The following CSMD1 variants were observed in gnomAD, a reference collection of about 807,000 sequenced individuals.
CSMD1 encodes CUB and Sushi multiple domains 1.
CSMD1 carries 213 observed loss-of-function variants against 417.5 expected under a neutral mutation model. The observed-to-expected ratio is 0.51, with a 90% confidence interval of 0.46 to 0.57. The LOEUF (loss-of-function observed/expected upper bound fraction) is 0.57, where lower values mean the gene tolerates loss of function less well. Ranked by LOEUF, CSMD1 falls within the 20% of genes least tolerant of loss-of-function variation. The pLI, the probability that CSMD1 is intolerant of heterozygous loss-of-function variation, is 0.00. For synonymous variants in CSMD1, 2,862 were observed against 1,736.8 expected, an observed-to-expected ratio of 1.65 and a Z score of -16.11; for missense variants, 6,923 against 4,529.7, an observed-to-expected ratio of 1.53 and a Z score of -15.17.
At chr8:3,688,767 C>T (rs559166534) in intron 7 of CSMD1, among the ~76,000 whole-genome samples, 43 of 151,988 alleles carry the variant, frequency 2.8e-4, no homozygotes, top group African/African-American at 5.3e-4. Flanking sequence ...TAGCATAATA[C>T]GGATTCTGAC....
intron 47 of CSMD1, among the ~76,000 whole-genome samples, chr8:3,094,056 G>C (rs1412529993): frequency 6.6e-6 from 1 of 151,866 alleles, no homozygotes; most frequent in Non-Finnish European, 1.5e-5. Flanking sequence ...CATTTTTAAT[G>C]ACAGAACTCA....
At position 3,574,131 on chromosome 8, in the gene CSMD1, A is replaced by G. The variant is rs1563166144; in HGVS notation, c.1344+814T>C. Among the ~76,000 whole-genome samples, 37 of 152,246 alleles carry G rather than the reference A, an allele frequency of 2.4e-4. 1 individual carries two copies. Reference sequence around the variant, plus strand: ...CCTGGAGGAAATATATATTTTACACAAAGTATTTAAGAAAGAGGAAAACAC... The same window carrying G: ...CCTGGAGGAAATATATATTTTACACGAAGTATTTAAGAAAGAGGAAAACAC... On this transcript the variant is annotated intron_variant, in intron 10 of 69. Coordinates refer to ENST00000635120, the MANE Select transcript of CSMD1 (RefSeq NM_033225.6).
intron 5 of CSMD1, among the ~76,000 whole-genome samples, chr8:3,813,865 G>C (rs1801223917): frequency 6.6e-6 from 1 of 152,106 alleles, no homozygotes; most frequent in African/African-American, 2.4e-5. Context: ...TCAGACAAGA[G>C]AAAAAGAAGA....
intron 42 of CSMD1, among the ~76,000 whole-genome samples, chr8:3,115,996 G>C (rs749883435): frequency 1.3e-5 from 2 of 152,136 alleles, no homozygotes; most frequent in African/African-American, 4.8e-5. Flanking sequence ...GAAGATACTG[G>C]GTTGTCAGCA....
chr8:3,520,039 T>TATATATATATATATACACACACACAC (rs545212684), intron 10 of CSMD1, among the ~76,000 whole-genome samples: 1 of 147,110 alleles, frequency 6.8e-6, no homozygotes, highest in African/African-American at 2.6e-5. Context: ...TATATATATA[T>TATATATATATATATACACACACACAC]ACACGTATAG....
intron 4 of CSMD1, among the ~76,000 whole-genome samples, chr8:4,004,490 C>G (rs972539942): frequency 2.0e-5 from 3 of 148,606 alleles, no homozygotes; most frequent in Non-Finnish European, 3.0e-5. Flanking sequence ...TATTATATAT[C>G]TGGATTTTTG....
At chr8:4,946,958 A>G (rs1808411685) in intron 1 of CSMD1, among the ~76,000 whole-genome samples, 1 of 152,190 alleles carries the variant, frequency 6.6e-6, no homozygotes, top group African/African-American at 2.4e-5. Context: ...CTTTCTTCAT[A>G]TATATTATTT....
intron 4 of CSMD1, among the ~76,000 whole-genome samples, chr8:4,002,507 T>C (rs1263960447): frequency 2.0e-5 from 3 of 152,166 alleles, no homozygotes; most frequent in Admixed American, 6.5e-5. Flanking sequence ...TTATAAATAA[T>C]GCCACAGAGG....
At position 3,189,892 on chromosome 8, in the gene CSMD1, C is replaced by T. The variant is rs370174672; in HGVS notation, c.5398+20G>A. On this transcript the variant is annotated intron_variant, in intron 34 of 69. Transcript: ENST00000635120. The stretch of plus-strand genomic sequence containing the variant: ...CCACCACAGAGTTCTGGCGGGCAGC[C>T]GCTTAGGGACACTGCTCACCCACAC... 6 of 1,554,014 alleles carry T rather than the reference C, an allele frequency of 3.9e-6. No homozygotes were observed. Among genetic ancestry groups the T allele is most frequent in the East Asian group, 4.8e-5 (2 of 41,670 alleles).
intron 4 of CSMD1, among the ~76,000 whole-genome samples, chr8:4,005,577 C>G (rs140041168): frequency 6.6e-6 from 1 of 152,106 alleles, no homozygotes; most frequent in African/African-American, 2.4e-5. Flanking sequence ...TGTGTAAGGA[C>G]GTTCCACATG....
intron 10 of CSMD1, among the ~76,000 whole-genome samples, chr8:3,568,183 G>A (rs974875362): frequency 6.6e-6 from 1 of 152,108 alleles, no homozygotes; most frequent in African/African-American, 2.4e-5. Flanking sequence ...ATAAAGTACT[G>A]ATGTTCACTT....
intron 6 of CSMD1, among the ~76,000 whole-genome samples, chr8:3,711,591 C>T (rs964914897): frequency 6.6e-6 from 1 of 152,194 alleles, no homozygotes; most frequent in African/African-American, 2.4e-5. Context: ...TGTGTTTTCT[C>T]ATCCTCATCT....
intron 10 of CSMD1, among the ~76,000 whole-genome samples, chr8:3,554,089 G>A (rs978512301): frequency 6.6e-6 from 1 of 152,166 alleles, no homozygotes; most frequent in Admixed American, 6.5e-5. Flanking sequence ...TATATTATGC[G>A]TTCTTCATGA....
At chr8:4,023,469 G>C (rs370167256) in intron 4 of CSMD1, among the ~76,000 whole-genome samples, 8 of 152,152 alleles carry the variant, frequency 5.3e-5, no homozygotes, top group African/African-American at 1.7e-4. Flanking sequence ...AGTAGCATTA[G>C]GGATTGCAAT....
At chr8:3,064,479 C>T (rs775991837) in intron 49 of CSMD1, among the ~76,000 whole-genome samples, 10 of 152,174 alleles carry the variant, frequency 6.6e-5, no homozygotes, top group African/African-American at 9.7e-5. Context: ...TCCTGTACAG[C>T]CTACAGAACT....
chr8:3,772,878 G>A (rs1357378637), intron 5 of CSMD1, among the ~76,000 whole-genome samples: 1 of 151,946 alleles, frequency 6.6e-6, no homozygotes. Flanking sequence ...CATTCAGGGT[G>A]ACAATGAAAA....
intron 1 of CSMD1, among the ~76,000 whole-genome samples, chr8:4,855,480 C>T (rs1801743208): frequency 6.6e-6 from 1 of 152,044 alleles, no homozygotes; most frequent in South Asian, 2.1e-4. Context: ...TACGGGAGGA[C>T]ATTCAAACGA....
At chr8:4,934,197 C>G (rs1308179289) in intron 1 of CSMD1, among the ~76,000 whole-genome samples, 5 of 152,136 alleles carry the variant, frequency 3.3e-5, no homozygotes, top group Admixed American at 6.5e-5. Context: ...TGCCTGAGCT[C>G]AGAAGCAAAG....
At chr8:4,728,969 C>A (rs1563235507) in intron 1 of CSMD1, among the ~76,000 whole-genome samples, 1 of 152,150 alleles carries the variant, frequency 6.6e-6, no homozygotes, top group Non-Finnish European at 1.5e-5. Flanking sequence ...AGATGGACAG[C>A]TGCATTTTAG....
Sources: gnomAD v4.1 joint callset for allele counts (sites outside exome capture counted in the v4.1 genomes callset) on GRCh38, gnomAD v4.1.1 for gene constraint, MANE v1.5 for transcripts, NCBI Gene and HGNC (gene_info 2026-07-23, HGNC 2026-07-21) for gene names.